UBE3B: variants seen among roughly 807,000 people sequenced by gnomAD.
UBE3B encodes ubiquitin-protein ligase E3B.
A neutral mutation model predicts 132.3 loss-of-function variants in UBE3B; 80 were observed. That is an observed-to-expected ratio of 0.60 (90% CI 0.50 to 0.73). UBE3B has a LOEUF of 0.73. UBE3B is among the 30% of genes least tolerant of loss of function. The pLI, the probability that UBE3B is intolerant of heterozygous loss-of-function variation, is 0.00. For missense variants in UBE3B, 1,196 were observed against 1,362.5 expected (o/e 0.88, Z 1.92); for synonymous variants, 487 against 520.4 (o/e 0.94, Z 0.87).
intron 19 of UBE3B, among the ~76,000 whole-genome samples, chr12:109,517,461 C>T (rs751728714): frequency 6.6e-5 from 10 of 152,160 alleles, no homozygotes; most frequent in Non-Finnish European, 1.0e-4. Context: ...GGTACCCAGT[C>T]CTCATATGTC....
chr12:109,534,030 G>T lies in UBE3B; in HGVS notation c.3015+472G>T, dbSNP rs1456314235. 38 of 1,295,000 alleles carry T rather than the reference G, an allele frequency of 2.9e-5. No homozygotes were observed. Among genetic ancestry groups the T allele is most frequent in the Non-Finnish European group, 3.6e-5 (36 of 993,076 alleles). 80.2% of individuals were successfully genotyped at this position (1,295,000 alleles called of 1,614,324 possible). A position where few individuals can be genotyped will look rare whatever the true frequency, so the allele number is the denominator to read the frequency against. The stretch of plus-strand genomic sequence containing the variant: ...CCTTCAGGGTTACGGAGCTCTGTGT[G>T]TCTCAAGCCTGGCCCACTGTGGGTG... On this transcript the variant is annotated intron_variant, in intron 27 of 27. Transcript: ENST00000342494. This position sits in a 1 kb window ranked among gnomAD's most constrained non-coding sequence, Gnocchi z 5.2.
intron 9 of UBE3B, among the ~76,000 whole-genome samples, chr12:109,496,245 C>G (rs540582384): frequency 1.6e-4 from 25 of 152,208 alleles, no homozygotes; most frequent in South Asian, 4.1e-4. Context: ...TGGATCAGTA[C>G]TTCATGCATT....
chr12:109,503,328 T>C, intron 14 of UBE3B, 138 bp downstream of exon 14: 1 of 1,114,276 alleles, frequency 9.0e-7, no homozygotes, highest in Non-Finnish European at 1.3e-6. Flanking sequence ...CTGTTCCTCT[T>C]AGAGATTAGT....
intron 12 of UBE3B, among the ~76,000 whole-genome samples, chr12:109,500,330 G>T (rs1015695273): frequency 6.6e-6 from 1 of 152,228 alleles, no homozygotes; most frequent in Non-Finnish European, 1.5e-5. Flanking sequence ...TCATGAATTT[G>T]AAATATCTAC....
At chr12:109,504,967 G>A (rs1158906281) in intron 14 of UBE3B, among the ~76,000 whole-genome samples, 2 of 148,138 alleles carry the variant, frequency 1.4e-5, no homozygotes, top group Non-Finnish European at 2.9e-5. Context: ...CACCATGCCC[G>A]GCTAATTTTT....
chr12:109,525,801 T>C (rs1882274442), intron 23 of UBE3B, among the ~76,000 whole-genome samples: 1 of 152,100 alleles, frequency 6.6e-6, no homozygotes, highest in Non-Finnish European at 1.5e-5. Context: ...ATGAAACTTC[T>C]AACAAAAAAA....
chr12:109,478,902 G>T (rs979077150), intron 1 of UBE3B, among the ~76,000 whole-genome samples: 17 of 152,208 alleles, frequency 1.1e-4, no homozygotes, highest in African/African-American at 3.9e-4. Flanking sequence ...TAAACCTGGT[G>T]GCCCAGCTTT....
At chr12:109,490,987 T>C in intron 8 of UBE3B, 58 bp from the exon 9 acceptor site, 2 of 1,570,092 alleles carry the variant, frequency 1.3e-6, no homozygotes, top group Non-Finnish European at 1.7e-6. Context: ...TGCTCTTTTA[T>C]GTACAAATGA....
At chr12:109,487,304 G>C (rs953587387) in intron 6 of UBE3B, among the ~76,000 whole-genome samples, 5 of 152,204 alleles carry the variant, frequency 3.3e-5, no homozygotes, top group African/African-American at 1.2e-4. Context: ...GGACAGGGGT[G>C]TGAGCAGACA....
chr12:109,521,698 T>A lies in UBE3B; in HGVS notation c.2364+147T>A. The A allele has an allele frequency of 1.5e-6, 1 of 664,652 alleles. No individual in the cohort carries two copies. Among genetic ancestry groups the A allele is most frequent in the Non-Finnish European group, 2.4e-6 (1 of 417,960 alleles). The allele number at this position is 664,652 out of a possible 1,614,324, so 41.2% of individuals were successfully genotyped here. A position where few individuals can be genotyped will look rare whatever the true frequency, so the allele number is the denominator to read the frequency against. On this transcript the variant is annotated intron_variant, in intron 21 of 27. Coordinates refer to ENST00000342494, the MANE Select transcript of UBE3B (RefSeq NM_130466.4). This position sits in a 1 kb window ranked among gnomAD's most constrained non-coding sequence, Gnocchi z 4.2. ...CAGGGGCAGGAACCAAGGTTTGTTGTACACCAGTGCTAGGTACTTTGCCTG... is the reference window on the plus strand; with the variant it reads ...CAGGGGCAGGAACCAAGGTTTGTTGAACACCAGTGCTAGGTACTTTGCCTG...
At chr12:109,502,848 C>G (rs1879167819) in intron 13 of UBE3B, among the ~76,000 whole-genome samples, 175 bp from the exon 14 acceptor site, 1 of 152,152 alleles carries the variant, frequency 6.6e-6, no homozygotes, top group African/African-American at 2.4e-5. Context: ...ACCTAAAAAC[C>G]TGTTGTTAAT....
chr12:109,516,821 G>A lies in UBE3B; in HGVS notation c.2013G>A (p.Val671=). The part of the protein sequence containing the change: ...VTKEKEKLGL[V]ETSSASPHVT... ...AGGAGAAGGAGAAACTGGGGCTGGT[G>A]GAAACCAGCTCTGCCTCCCCGCATG... Residue 671 remains valine, a synonymous_variant, in exon 19 of 28, where the codon GTG becomes GTA. Coordinates refer to ENST00000342494, the MANE Select transcript of UBE3B (RefSeq NM_130466.4). 6.2e-7 allele frequency: 1 copy of A among 1,614,082 alleles called. No homozygotes were observed. The highest frequency in any genetic ancestry group is 8.5e-7 in the Non-Finnish European group (1 of 1,180,022).
chr12:109,523,844 C>T (rs569694852), intron 21 of UBE3B, 134 bp from the exon 22 acceptor site: 14 of 1,306,234 alleles, frequency 1.1e-5, no homozygotes, highest in South Asian at 9.6e-5. Flanking sequence ...TACTGCCCTC[C>T]GGATTGGAAA....
At chr12:109,517,021 GGGGT>G in intron 19 of UBE3B, 137 bp downstream of exon 19, 1 of 1,337,772 alleles carries the variant, frequency 7.5e-7, no homozygotes, top group Non-Finnish European at 9.9e-7. Flanking sequence ...GAGCAGGAAA[GGGGT>G]CATTTGTCCT....
rs564290509 is a variant in UBE3B, at chr12:109,511,438, T to G, written c.1956+135T>G. 5 of 791,522 alleles carry G rather than the reference T, an allele frequency of 6.3e-6. No homozygotes were observed. The African/African-American group carries it at 8.6e-5, about 14-fold the overall frequency. The allele number at this position is 791,522 out of a possible 1,614,324, so 49.0% of individuals were successfully genotyped here. A position where few individuals can be genotyped will look rare whatever the true frequency, so the allele number is the denominator to read the frequency against. ...TTCAGCACAAGGAAACGGTGGTTGC[T>G]ATTACTTTGGTGAGGTTACACCCAG... On this transcript the variant is annotated intron_variant, in intron 18 of 27. Transcript: ENST00000342494.
chr12:109,512,295 G>T (rs1270196724), intron 18 of UBE3B, among the ~76,000 whole-genome samples: 1 of 152,156 alleles, frequency 6.6e-6, no homozygotes, highest in Non-Finnish European at 1.5e-5. Context: ...AGAAGTCCAG[G>T]GCACTGAGGC....
Position 109,521,938 on chromosome 12 carries a change from G to T in UBE3B, c.2364+387G>T, listed in dbSNP as rs888608539. Among the ~76,000 whole-genome samples, 2 of 152,172 alleles carry T rather than the reference G, an allele frequency of 1.3e-5. No individual in the cohort carries two copies. Among genetic ancestry groups the T allele is most frequent in the Non-Finnish European group, 2.9e-5 (2 of 68,032 alleles). On this transcript the variant is annotated intron_variant, in intron 21 of 27. Transcript: ENST00000342494. This position sits in a 1 kb window ranked among gnomAD's most constrained non-coding sequence, Gnocchi z 4.2. ...TGAGGAGTGGTGTGCAGAGCCAGAT[G>T]GCCACACGGAGGCTGGGTCCCCGTT...
the UBE3B span, among the ~76,000 whole-genome samples, chr12:109,547,575 T>A: frequency 6.6e-6 from 1 of 152,154 alleles, no homozygotes; most frequent in Non-Finnish European, 1.5e-5. The surrounding 1 kb of genome is among the most constrained non-coding windows in gnomAD (Gnocchi z 4.1). Flanking sequence ...CAATTATAGG[T>A]TTAGCCACAT....
intron 16 of UBE3B, 106 bp from the exon 17 acceptor site, chr12:109,510,238 G>A (rs1592933585): frequency 5.7e-6 from 5 of 882,536 alleles, no homozygotes; most frequent in South Asian, 3.2e-5. Context: ...AATTCAGAGC[G>A]AGGGAGATCA....
Sources: allele counts gnomAD v4.1 joint callset (sites outside exome capture counted in the v4.1 genomes callset), GRCh38; gene constraint gnomAD v4.1.1; non-coding constraint Gnocchi (gnomAD v3.1); transcripts MANE v1.5; gene names NCBI Gene and HGNC (gene_info 2026-07-23, HGNC 2026-07-21).